UBE2H: variants seen among roughly 807,000 people sequenced by gnomAD.
The protein encoded by UBE2H is ubiquitin conjugating enzyme E2 H.
UBE2H carries 3 observed loss-of-function variants against 29.0 expected under a neutral mutation model. That is an observed-to-expected ratio of 0.10 (90% CI 0.05 to 0.27). The LOEUF is 0.27. UBE2H is among the 10% of genes least tolerant of loss of function. UBE2H has a pLI of 1.00. For synonymous variants in UBE2H, 69 were observed against 82.9 expected (o/e 0.83, Z 0.91); for missense variants, 68 against 228.2 (o/e 0.30, Z 4.52).
At chr7:129,847,117 G>A (rs975843162) in intron 5 of UBE2H, among the ~76,000 whole-genome samples, 1 of 152,066 alleles carries the variant, frequency 6.6e-6, no homozygotes, top group African/African-American at 2.4e-5. Flanking sequence ...CACAATCTCA[G>A]CTCACTGGAA....
rs1807907853 is a variant in UBE2H at position 129,952,714 on chromosome 7, G to A, written c.-159C>T. The A allele has an allele frequency of 1.3e-6, 1 of 765,332 alleles. No individual in the cohort carries two copies. The highest frequency in any genetic ancestry group is 1.9e-6 in the Non-Finnish European group (1 of 535,608). 47.4% of individuals were successfully genotyped at this position (765,332 alleles called of 1,614,324 possible). ...GCCGCCGCCGCCGCCCCCCGCACGG[G>A]GGAACACCGGGCACTGTCCGGCCGG... On this transcript the variant is annotated 5_prime_UTR_variant, in exon 1 of 7. Coordinates refer to ENST00000355621, the MANE Select transcript of UBE2H (RefSeq NM_003344.4).
chr7:129,934,362 G>A (rs968800385), intron 1 of UBE2H, among the ~76,000 whole-genome samples: 4 of 151,978 alleles, frequency 2.6e-5, no homozygotes, highest in Admixed American at 6.6e-5. Flanking sequence ...CTGAGGCCAG[G>A]AGTGGTGGCT....
intron 3 of UBE2H, among the ~76,000 whole-genome samples, chr7:129,869,720 TAGTG>T (rs1805989554): frequency 1.3e-5 from 2 of 152,106 alleles, no homozygotes; most frequent in Admixed American, 6.5e-5. Flanking sequence ...AGGCCCTGAG[TAGTG>T]AGTATTTGGG....
intron 5 of UBE2H, among the ~76,000 whole-genome samples, chr7:129,844,749 C>T (rs761299416): frequency 6.6e-6 from 1 of 152,230 alleles, no homozygotes; most frequent in Non-Finnish European, 1.5e-5. Context: ...TTCATTAGCA[C>T]TGACTCTTCA....
chr7:129,933,198 GT>G (rs1807444766), intron 1 of UBE2H, among the ~76,000 whole-genome samples: 3 of 152,138 alleles, frequency 2.0e-5, no homozygotes, highest in African/African-American at 7.2e-5. Flanking sequence ...TGCTGAAGTA[GT>G]TCTTAAGTCC....
intron 1 of UBE2H, among the ~76,000 whole-genome samples, chr7:129,916,909 C>T (rs1221354481): frequency 5.9e-5 from 9 of 151,978 alleles, no homozygotes; most frequent in Non-Finnish European, 8.8e-5. Flanking sequence ...TGGTGGCGGG[C>T]GCCTGTAGTC....
intron 5 of UBE2H, among the ~76,000 whole-genome samples, chr7:129,848,092 A>G (rs527311761): frequency 1.8e-4 from 28 of 152,330 alleles, no homozygotes; most frequent in South Asian, 1.2e-3. Context: ...CCCACAAACA[A>G]TAAGTTCCTC....
chr7:129,934,503 T>G (rs761076148), intron 1 of UBE2H, among the ~76,000 whole-genome samples: 2 of 150,792 alleles, frequency 1.3e-5, no homozygotes, highest in Non-Finnish European at 3.0e-5. Context: ...TCGGGCATGG[T>G]CGTGGGCACC....
At chr7:129,872,247 T>C (rs1806054450) in intron 3 of UBE2H, among the ~76,000 whole-genome samples, 1 of 152,114 alleles carries the variant, frequency 6.6e-6, no homozygotes, top group South Asian at 2.1e-4. Context: ...CAAACTCCTC[T>C]CTACTGCAAA....
intron 1 of UBE2H, among the ~76,000 whole-genome samples, chr7:129,920,939 G>C (rs984818738): frequency 6.6e-6 from 1 of 150,498 alleles, no homozygotes; most frequent in Non-Finnish European, 1.5e-5. Flanking sequence ...AAAGTGGGAG[G>C]ATCACTTGAG....
intron 5 of UBE2H, chr7:129,839,571 C>A: frequency 2.4e-6 from 1 of 416,832 alleles, no homozygotes; most frequent in Admixed American, 4.7e-5. Flanking sequence ...CTTTGAAGGA[C>A]AATTTTCCCA....
chr7:129,839,454 C>T (rs527321712), intron 5 of UBE2H, 119 bp from the exon 6 acceptor site: 68 of 1,358,530 alleles, frequency 5.0e-5, no homozygotes, highest in South Asian at 5.2e-5. Flanking sequence ...ATTCTCCATA[C>T]GAGTGTGCTC....
intron 1 of UBE2H, among the ~76,000 whole-genome samples, chr7:129,888,992 C>T (rs1254933014): frequency 1.3e-5 from 2 of 152,070 alleles, no homozygotes; most frequent in African/African-American, 2.4e-5. Flanking sequence ...GTGATTTGGA[C>T]ATGTCGAGGT....
At chr7:129,920,006 C>T (rs2116467430) in intron 1 of UBE2H, among the ~76,000 whole-genome samples, 1 of 151,964 alleles carries the variant, frequency 6.6e-6, no homozygotes, top group Non-Finnish European at 1.5e-5. Flanking sequence ...TCATCTCTCG[C>T]CAAGCTGAAA....
At chr7:129,881,116 G>C in intron 1 of UBE2H, 145 bp from the exon 2 acceptor site, 1 of 604,128 alleles carries the variant, frequency 1.7e-6, no homozygotes, top group Non-Finnish European at 2.8e-6. Context: ...GGTAGTTTAG[G>C]AGGAGGCAAT....
At chr7:129,946,304 CT>C (rs1367800129) in intron 1 of UBE2H, among the ~76,000 whole-genome samples, 1 of 151,884 alleles carries the variant, frequency 6.6e-6, no homozygotes, top group Admixed American at 6.6e-5. Flanking sequence ...CATGATTTGT[CT>C]GCCTCAACCT....
At chr7:129,891,825 AAAC>A (rs1328266932) in intron 1 of UBE2H, among the ~76,000 whole-genome samples, 2 of 151,424 alleles carry the variant, frequency 1.3e-5, no homozygotes, top group Admixed American at 6.6e-5. Context: ...AAAAAAAAAA[AAAC>A]ACACACACAC....
intron 1 of UBE2H, among the ~76,000 whole-genome samples, chr7:129,896,535 A>G (rs937509191): frequency 1.4e-4 from 21 of 151,958 alleles, no homozygotes; most frequent in African/African-American, 5.1e-4. Context: ...CCACCCCAGT[A>G]GCTTGGATTA....
intron 1 of UBE2H, among the ~76,000 whole-genome samples, chr7:129,938,413 CAAAAAAAAAAAAAA>C (rs34454670): frequency 2.4e-4 from 9 of 38,040 alleles, no homozygotes; most frequent in South Asian, 2.3e-3. Context: ...CTGCCTCATT[CAAAAAAAAAAAAAA>C]AAAAAAAAAA....
Sources: gnomAD v4.1 joint callset for allele counts (sites outside exome capture counted in the v4.1 genomes callset) on GRCh38, gnomAD v4.1.1 for gene constraint, MANE v1.5 for transcripts, NCBI Gene and HGNC (gene_info 2026-07-23, HGNC 2026-07-21) for gene names.